Variants in EPSTI1 observed in about 807,000 individuals in gnomAD.
EPSTI1 encodes the protein epithelial-stromal interaction protein 1.
A neutral mutation model predicts 49.9 loss-of-function variants in EPSTI1; 66 were observed. The observed-to-expected ratio is 1.32, with a 90% CI of 1.08 to 1.62. EPSTI1 has a LOEUF of 1.62. Among genes scored for constraint, EPSTI1 ranks in the 40% most tolerant of loss-of-function variants. The pLI is 0.00. For synonymous variants in EPSTI1, 137 were observed against 130.7 expected (o/e 1.05, Z -0.33); for missense variants, 394 against 365.5 (o/e 1.08, Z -0.64).
intron 9 of EPSTI1, among the ~76,000 whole-genome samples, chr13:42,899,455 C>T (rs74433701): frequency 0.021 from 3,177 of 152,154 alleles, 87 homozygotes; most frequent in East Asian, 0.093. Flanking sequence ...GTGAGCTCCC[C>T]GCCCACAGTT....
intron 7 of EPSTI1, among the ~76,000 whole-genome samples, chr13:42,921,681 A>G (rs912002895): frequency 6.6e-6 from 1 of 152,174 alleles, no homozygotes; most frequent in Non-Finnish European, 1.5e-5. Context: ...GTCACAATAC[A>G]GCAGGCTCTC....
intron 1 of EPSTI1, among the ~76,000 whole-genome samples, chr13:42,972,964 C>T (rs1390616838): frequency 6.6e-6 from 1 of 151,998 alleles, no homozygotes; most frequent in Non-Finnish European, 1.5e-5. Flanking sequence ...TCATAGAGAC[C>T]TCAGAAGAGT....
At chr13:42,978,300 T>C (rs993286131) in intron 1 of EPSTI1, among the ~76,000 whole-genome samples, 1 of 152,004 alleles carries the variant, frequency 6.6e-6, no homozygotes, top group African/African-American at 2.4e-5. Flanking sequence ...AAACAACATA[T>C]GTAAGATGAA....
At chr13:42,892,934 T>C (rs745813514) in intron 10 of EPSTI1, among the ~76,000 whole-genome samples, 1 of 151,896 alleles carries the variant, frequency 6.6e-6, no homozygotes, top group Non-Finnish European at 1.5e-5. Context: ...AGAAGCTAAG[T>C]AAAGAAACAG....
chr13:42,960,326 A>G (rs553326856), intron 5 of EPSTI1, among the ~76,000 whole-genome samples: 20 of 152,252 alleles, frequency 1.3e-4, no homozygotes, highest in African/African-American at 4.1e-4. Context: ...TTATGGGGGG[A>G]AAATGTGATT....
intron 3 of EPSTI1, among the ~76,000 whole-genome samples, chr13:42,968,315 A>G (rs528616015): frequency 8.8e-5 from 13 of 147,674 alleles, no homozygotes; most frequent in East Asian, 8.6e-4. Flanking sequence ...ATTTTTACCT[A>G]TGTTCTTGGT....
chr13:42,937,787 T>C (rs1217202072), intron 6 of EPSTI1, among the ~76,000 whole-genome samples: 2 of 152,164 alleles, frequency 1.3e-5, no homozygotes, highest in East Asian at 1.9e-4. Flanking sequence ...TCCTCTTCCA[T>C]ATTCCTGTTA....
intron 8 of EPSTI1, among the ~76,000 whole-genome samples, chr13:42,908,243 T>C (rs1310107071): frequency 1.3e-5 from 2 of 152,162 alleles, no homozygotes; most frequent in African/African-American, 4.8e-5. Context: ...CCCCACCCTT[T>C]GGGAGGCCGA....
At chr13:42,942,011 GT>G (rs1364919042) in intron 6 of EPSTI1, among the ~76,000 whole-genome samples, 1 of 152,066 alleles carries the variant, frequency 6.6e-6, no homozygotes. Context: ...GAGACAAATA[GT>G]TTTTGTCATA....
rs1544297 is a variant in EPSTI1 at position 42,924,235 on chromosome 13, T to C, written c.657+2101A>G. 1.7e-3 allele frequency among the ~76,000 whole-genome samples: 256 copies of C among 152,280 alleles called. 1 individual carries two copies. Among genetic ancestry groups the C allele is most frequent in the African/African-American group, 5.7e-3 (237 of 41,542 alleles). ...TTGAACACTGAAACCGTATTAATAG[T>C]TTGGGGTCAAAATCGGAGCAGCTAT... is the stretch of plus-strand genomic sequence containing the variant. On this transcript the variant is annotated intron_variant, in intron 7 of 10. Coordinates refer to ENST00000313624, the MANE Select transcript of EPSTI1 (RefSeq NM_033255.5).
At chr13:42,962,759 AAC>A (rs2039492394) in intron 5 of EPSTI1, among the ~76,000 whole-genome samples, 1 of 152,106 alleles carries the variant, frequency 6.6e-6, no homozygotes, top group Non-Finnish European at 1.5e-5. Flanking sequence ...CAGCCTGTGC[AAC>A]AGAGTGAGAC....
At chr13:42,930,149 T>C (rs1004362111) in intron 6 of EPSTI1, among the ~76,000 whole-genome samples, 1 of 152,214 alleles carries the variant, frequency 6.6e-6, no homozygotes, top group Non-Finnish European at 1.5e-5. Context: ...TAATTCATGT[T>C]ATACAACACA....
chr13:42,893,963 A>C (rs1304209007), intron 10 of EPSTI1, among the ~76,000 whole-genome samples: 1 of 152,196 alleles, frequency 6.6e-6, no homozygotes, highest in Non-Finnish European at 1.5e-5. Flanking sequence ...TCTGTTCCAT[A>C]CTGTCCCTAT....
chr13:42,920,162 G>T (rs1034860031), intron 7 of EPSTI1, among the ~76,000 whole-genome samples: 9 of 152,250 alleles, frequency 5.9e-5, no homozygotes, highest in Admixed American at 5.9e-4. Flanking sequence ...CTCTGAATAA[G>T]GTCACATTCT....
intron 1 of EPSTI1, among the ~76,000 whole-genome samples, chr13:42,971,922 G>A (rs759516476): frequency 2.6e-5 from 4 of 152,152 alleles, no homozygotes; most frequent in Admixed American, 6.5e-5. Context: ...TGCATACAAC[G>A]TTATGAATAC....
chr13:42,988,699 C>A (rs980546401), intron 1 of EPSTI1, among the ~76,000 whole-genome samples: 2 of 150,610 alleles, frequency 1.3e-5, no homozygotes, highest in Non-Finnish European at 2.9e-5. Flanking sequence ...CTGTTGCACT[C>A]CAGCCTGAGC....
At chr13:42,961,012 G>A (rs1004040815) in intron 5 of EPSTI1, among the ~76,000 whole-genome samples, 1 of 152,146 alleles carries the variant, frequency 6.6e-6, no homozygotes, top group Non-Finnish European at 1.5e-5. Flanking sequence ...GGGATAAAAC[G>A]TGGACATCTT....
intron 8 of EPSTI1, among the ~76,000 whole-genome samples, chr13:42,908,504 GGAAAA>G (rs1261967147): frequency 1.6e-5 from 2 of 122,168 alleles, no homozygotes; most frequent in African/African-American, 5.6e-5. Flanking sequence ...AAAAAAAAAA[GGAAAA>G]GAAAATGTAG....
intron 1 of EPSTI1, among the ~76,000 whole-genome samples, chr13:42,976,681 T>A (rs1287787606): frequency 6.6e-6 from 1 of 152,206 alleles, no homozygotes; most frequent in Non-Finnish European, 1.5e-5. Context: ...GACATAGTGA[T>A]GTACTCCAAA....
Sources: gnomAD v4.1 joint callset for allele counts (sites outside exome capture counted in the v4.1 genomes callset) on GRCh38, gnomAD v4.1.1 for gene constraint, MANE v1.5 for transcripts, NCBI Gene and HGNC (gene_info 2026-07-23, HGNC 2026-07-21) for gene names.